RASL12: variants seen among roughly 807,000 people sequenced by gnomAD.
The protein encoded by RASL12 is RAS like family 12, also known as ras-like protein family member 12.
RASL12 carries 16 observed loss-of-function variants against 22.9 expected under a neutral mutation model. The observed-to-expected ratio is 0.70, with a 90% CI of 0.47 to 1.06. The LOEUF is 1.06. Ranked by LOEUF, RASL12 falls within the 50% of genes least tolerant of loss-of-function variation. The probability of loss-of-function intolerance (pLI) is 0.00; values close to 1 mark genes in which losing one functional copy is unlikely to be tolerated. For synonymous variants in RASL12, 159 were observed against 152.2 expected, an observed-to-expected ratio of 1.04 and a Z score of -0.33; for missense variants, 306 against 353.1, an observed-to-expected ratio of 0.87 and a Z score of 1.07.
upstream of RASL12, among the ~76,000 whole-genome samples, chr15:65,070,367 GT>G (rs1431399229): frequency 6.6e-6 from 1 of 152,234 alleles, no homozygotes; most frequent in Admixed American, 6.5e-5. Context: ...GGTTAGTTCT[GT>G]CTACTCCTCT....
chr15:65,067,680 C>T (rs1009145070), intron 1 of RASL12, 53 bp downstream of exon 1: 20 of 1,498,208 alleles, frequency 1.3e-5, no homozygotes, highest in Non-Finnish European at 1.7e-5. Context: ...CACTGTCCCC[C>T]CACCCACGCC....
Position 65,054,986 on chromosome 15 carries a change from G to C in RASL12, c.714C>G (p.Ala238=), listed in dbSNP as rs772193380. 1 of 1,614,180 alleles carries C rather than the reference G, an allele frequency of 6.2e-7. No individual in the cohort carries two copies. Among genetic ancestry groups the C allele is most frequent in the Non-Finnish European group, 8.5e-7 (1 of 1,180,028 alleles). The change falls in exon 5 of 5, where the codon GCC becomes GCG. Residue 238 remains alanine (A), a synonymous_variant. Transcript: ENST00000220062. The stretch of plus-strand genomic sequence containing the variant: ...GGGATGACTTCACGGTGACCAGCTT[G>C]GCCTGGGCCACAGTGGGCATCTCCT... ...NLKEMPTVAQ[A]KLVTVKSSRA... is the part of the protein sequence containing the mutation.
At chr15:65,058,664 G>A in intron 3 of RASL12, 47 bp from the exon 4 acceptor site, 2 of 1,412,564 alleles carry the variant, frequency 1.4e-6, no homozygotes, top group Non-Finnish European at 1.9e-6. Context: ...GGAGGTTGGG[G>A]TAAAGGCCTT....
At chr15:65,067,691 C>G in intron 1 of RASL12, 42 bp downstream of exon 1, 2 of 1,514,844 alleles carry the variant, frequency 1.3e-6, no homozygotes, top group Non-Finnish European at 1.8e-6. Context: ...CACCCACGCC[C>G]AGCTCCGCAC....
intron 4 of RASL12, among the ~76,000 whole-genome samples, chr15:65,056,018 C>T (rs983578294): frequency 6.6e-6 from 1 of 152,108 alleles, no homozygotes; most frequent in Non-Finnish European, 1.5e-5. Context: ...GATAGAATAT[C>T]CGGAACTTGG....
chr15:65,053,030 G>C, downstream of RASL12: 1 of 1,613,926 alleles, frequency 6.2e-7, no homozygotes, highest in Non-Finnish European at 8.5e-7. Context: ...TGAGGCCAAG[G>C]ATCACAACAG....
intron 1 of RASL12, among the ~76,000 whole-genome samples, chr15:65,074,661 A>G (rs2086952542): frequency 6.6e-6 from 1 of 152,094 alleles, no homozygotes; most frequent in Admixed American, 6.5e-5. Context: ...CCCCCAAAAG[A>G]GCTGGGATTA....
chr15:65,063,584 G>C (rs999242692), intron 2 of RASL12, among the ~76,000 whole-genome samples: 13 of 152,144 alleles, frequency 8.5e-5, no homozygotes, highest in Admixed American at 2.6e-4. Context: ...CAAGGCACCG[G>C]GGGTCAAGCA....
At chr15:65,074,847 G>A (rs1003439253) in intron 1 of RASL12, among the ~76,000 whole-genome samples, 1 of 152,260 alleles carries the variant, frequency 6.6e-6, no homozygotes, top group African/African-American at 2.4e-5. Context: ...ATTATTGAGA[G>A]GTGACAGCAT....
chr15:65,075,142 C>T (rs1214319963), intron 1 of RASL12, among the ~76,000 whole-genome samples: 7 of 152,248 alleles, frequency 4.6e-5, no homozygotes, highest in East Asian at 1.9e-4. Context: ...CTGCTGGCCC[C>T]GGGCAATGAG....
chr15:65,054,830 G>A lies in RASL12; in HGVS notation c.*69C>T. 6.5e-7 allele frequency: 1 copy of A among 1,537,148 alleles called. No individual in the cohort carries two copies. The highest frequency in any genetic ancestry group is 1.2e-5 in the South Asian group (1 of 80,092). ...TCCATCAGACGGAAAGGCTGGTGGT[G>A]AGAAGCCAGTCCCTGTCCTGCTGCA... On this transcript the variant is annotated 3_prime_UTR_variant, in exon 5 of 5. Transcript: ENST00000220062.
chr15:65,051,402 C>A, downstream of RASL12: 2 of 972,454 alleles, frequency 2.1e-6, no homozygotes, highest in Non-Finnish European at 3.2e-6. Flanking sequence ...AGGGTCTCCA[C>A]GCAAAGGACA....
At position 65,054,711 on chromosome 15, in the gene RASL12, G is replaced by A. The variant is rs1051920161; in HGVS notation, c.*188C>T. ...TGGTTACCATGAAGACCAAGGCCTGGAGGGAACAGAAGCAGCATCCCTGCC... is the reference window on the plus strand; with the variant it reads ...TGGTTACCATGAAGACCAAGGCCTGAAGGGAACAGAAGCAGCATCCCTGCC... On this transcript the variant is annotated 3_prime_UTR_variant, in exon 5 of 5. Coordinates refer to ENST00000220062, the MANE Select transcript of RASL12 (RefSeq NM_016563.4). The A allele has an allele frequency of 4.9e-6, 7 of 1,424,316 alleles. No individual in the cohort carries two copies. The highest frequency in any genetic ancestry group is 6.4e-6 in the Non-Finnish European group (7 of 1,093,074). The allele number at this position is 1,424,316 out of a possible 1,614,324, so 88.2% of individuals were successfully genotyped here. A position where few individuals can be genotyped will look rare whatever the true frequency, so the allele number is the denominator to read the frequency against.
the RASL12 span, among the ~76,000 whole-genome samples, chr15:65,045,880 C>T: frequency 6.6e-6 from 1 of 152,204 alleles, no homozygotes; most frequent in African/African-American, 2.4e-5. Context: ...AGAAATATGT[C>T]TTTGGCCGGG....
chr15:65,073,210 G>T (rs1446888064), intron 1 of RASL12, among the ~76,000 whole-genome samples: 1 of 152,204 alleles, frequency 6.6e-6, no homozygotes, highest in African/African-American at 2.4e-5. Flanking sequence ...AGACAGCGGA[G>T]GGGAGATGGT....
At chr15:65,057,478 G>A (rs1178288757) in intron 4 of RASL12, among the ~76,000 whole-genome samples, 5 of 152,214 alleles carry the variant, frequency 3.3e-5, no homozygotes, top group Admixed American at 6.5e-5. Context: ...GCCTGGGGTC[G>A]GCTGGAGAGA....
rs368754404 is a variant in RASL12 at position 65,065,257 on chromosome 15, A to G, written c.120T>C (p.Phe40=). ...ATTCACTGATAAACCTCTTGGTCAG[A>G]AACTTCACGGTCAGGGCTGCAAGAA... The part of the protein sequence containing the change: ...GAGKSALTVK[F]LTKRFISEYD... Residue 40 remains phenylalanine (F), a synonymous_variant, in exon 2 of 5, where the codon TTT becomes TTC. Coordinates refer to ENST00000220062, the MANE Select transcript of RASL12 (RefSeq NM_016563.4). 1 of 1,612,608 alleles carries G rather than the reference A, an allele frequency of 6.2e-7. No individual in the cohort carries two copies. The highest frequency in any genetic ancestry group is 1.1e-5 in the South Asian group (1 of 90,454).
At chr15:65,068,023 C>T (rs886818720), upstream of RASL12, 11 of 1,132,042 alleles carry the variant, frequency 9.7e-6, no homozygotes, top group African/African-American at 1.8e-4. The surrounding 1 kb of genome is among the most constrained non-coding windows in gnomAD (Gnocchi z 4.2). Context: ...GCCGGTGGAG[C>T]CTGGCGGGCG....
At chr15:65,075,860 T>C (rs2086964299) in intron 1 of RASL12, among the ~76,000 whole-genome samples, 1 of 151,208 alleles carries the variant, frequency 6.6e-6, no homozygotes, top group African/African-American at 2.4e-5. Flanking sequence ...GGATTGTAAA[T>C]ACACCAATCG....
Sources: gnomAD v4.1 joint callset for allele counts (sites outside exome capture counted in the v4.1 genomes callset) on GRCh38, gnomAD v4.1.1 for gene constraint, Gnocchi (gnomAD v3.1) non-coding constraint, MANE v1.5 for transcripts, NCBI Gene and HGNC (gene_info 2026-07-23, HGNC 2026-07-21) for gene names.